Variants in ZMYM3 observed in about 807,000 individuals in gnomAD.
The protein encoded by ZMYM3 is zinc finger MYM-type protein 3.
Under a neutral mutation model 94.2 loss-of-function variants are expected in ZMYM3, and 6 were observed. The observed-to-expected ratio is 0.06, with a 90% CI of 0.03 to 0.13. ZMYM3 has a LOEUF of 0.13. Ranked by LOEUF, ZMYM3 falls within the 10% of genes least tolerant of loss-of-function variation. The pLI, the probability that ZMYM3 is intolerant of heterozygous loss-of-function variation, is 1.00. For synonymous variants in ZMYM3, 420 were observed against 426.5 expected (o/e 0.98, Z 0.19); for missense variants, 664 against 1,132.6 (o/e 0.59, Z 5.94).
At chrX:71,251,063 G>A in intron 4 of ZMYM3, 115 bp downstream of exon 4, 2 of 791,065 alleles carry the variant, frequency 2.5e-6, no homozygotes, top group Non-Finnish European at 3.8e-6. Context: ...GGCACTTCAT[G>A]CGCTTCATGG....
intron 3 of ZMYM3, 97 bp downstream of exon 3, chrX:71,251,461 C>T: frequency 9.3e-7 from 1 of 1,074,546 alleles, no homozygotes; most frequent in South Asian, 2.2e-5. Context: ...TCCTTACACA[C>T]ACTCTCTACA....
chrX:71,247,961 G>C, intron 11 of ZMYM3, 55 bp from the exon 12 acceptor site: 1 of 1,133,472 alleles, frequency 8.8e-7, no homozygotes, highest in Non-Finnish European at 1.2e-6. Flanking sequence ...CCAAGGGCAA[G>C]AGACCCAACC....
intron 8 of ZMYM3, 64 bp downstream of exon 8, chrX:71,248,955 A>T: frequency 5.0e-6 from 6 of 1,191,895 alleles, no homozygotes; most frequent in Non-Finnish European, 6.8e-6. Flanking sequence ...ACTCTGGAAG[A>T]GGGGAGTATG....
intron 20 of ZMYM3, 116 bp from the exon 21 acceptor site, chrX:71,244,096 T>C: frequency 9.8e-7 from 1 of 1,023,685 alleles, no homozygotes; most frequent in South Asian, 2.3e-5. Flanking sequence ...TCCTGAACAA[T>C]TACAGAAAGA....
chrX:71,245,305 C>T (rs775305071), intron 18 of ZMYM3, 34 bp downstream of exon 18: 4 of 1,202,332 alleles, frequency 3.3e-6, no homozygotes, highest in Non-Finnish European at 4.5e-6. Flanking sequence ...CAAATGCTAC[C>T]ATACTCAGTG....
chrX:71,252,614 G>A lies in ZMYM3; in HGVS notation c.642C>T (p.Ser214=), dbSNP rs750974711. Residue 214 remains serine (S), a synonymous_variant, in exon 2 of 25, where the codon AGC becomes AGT. Transcript: ENST00000314425. ...NSSQTKPGGS[S]PPAHPSLPGD... ...CTGGCAAGGAAGGATGTGCAGGGGGGCTAGAGCCCCCAGGTTTGGTCTGAG... is the reference window on the plus strand; with the variant it reads ...CTGGCAAGGAAGGATGTGCAGGGGGACTAGAGCCCCCAGGTTTGGTCTGAG... 7.9e-6 allele frequency: 9 copies of A among 1,137,571 alleles called. No individual in the cohort carries two copies. The highest frequency in any genetic ancestry group is 9.3e-6 in the Non-Finnish European group (8 of 861,671). The allele number at this position is 1,137,571 out of a possible 1,213,427, so 93.7% of individuals were successfully genotyped here.
rs1741700350 is a variant in ZMYM3 at position 71,245,660 on chromosome X, T to C, written c.2860+8A>G. 3.3e-6 allele frequency: 4 copies of C among 1,210,030 alleles called. No individual in the cohort carries two copies. Among genetic ancestry groups the C allele is most frequent in the South Asian group, 3.5e-5 (2 of 56,595 alleles). ...CTGTCTCCCTCGTCGCCACCATCTA[T>C]GGCATACCACAAAGGTCAGATGAGG... On this transcript the variant is annotated splice_region_variant and intron_variant, in intron 17 of 24. Transcript: ENST00000314425.
rs141217407 is a variant in ZMYM3, at chrX:71,248,274, C to T, written c.1863G>A (p.Glu621=). Residue 621 remains glutamate, a synonymous_variant, in exon 11 of 25, where the codon GAG becomes GAA. Transcript: ENST00000314425. ...VFQFCCRDCC[E]DFKRLRGVVS... ...CCACACCCCGAAGCCGCTTGAAGTC[C>T]TCACAGCAATCACGGCAGCAGAACT... 8.3e-7 allele frequency: 1 copy of T among 1,206,755 alleles called. No individual in the cohort carries two copies. The highest frequency in any genetic ancestry group is 1.1e-6 in the Non-Finnish European group (1 of 893,270).
intron 3 of ZMYM3, 30 bp downstream of exon 3, chrX:71,251,528 C>T (rs765162661): frequency 2.6e-5 from 30 of 1,174,923 alleles, no homozygotes; most frequent in Non-Finnish European, 3.4e-5. Context: ...TAAGGGGGAA[C>T]CAGACTCCTT....
chrX:71,250,427 C>T lies in ZMYM3; in HGVS notation c.1073+5G>A. The T allele has an allele frequency of 8.3e-7, 1 of 1,201,817 alleles. No homozygotes were observed. The highest frequency in any genetic ancestry group is 1.1e-6 in the Non-Finnish European group (1 of 890,091). On this transcript the variant is annotated splice_donor_5th_base_variant and intron_variant, in intron 5 of 24. Transcript: ENST00000314425. ...CTCTGCATAGCCCCCAAGACCCTCACGCACTTCTTGCAGAAGGTACAGGTC... is the reference window on the plus strand; with the variant it reads ...CTCTGCATAGCCCCCAAGACCCTCATGCACTTCTTGCAGAAGGTACAGGTC...
chrX:71,240,779 G>A lies in ZMYM3; in HGVS notation c.*137C>T. On this transcript the variant is annotated 3_prime_UTR_variant, in exon 25 of 25. Transcript: ENST00000314425. ...ATAAAAGCCAGGGTTCCTAGAGAAG[G>A]CAGGGAATGGGTGAGCGGAAAGGAG... The A allele has an allele frequency of 3.3e-6, 2 of 614,204 alleles. No individual in the cohort carries two copies. Among genetic ancestry groups the A allele is most frequent in the East Asian group, 6.8e-5 (2 of 29,288 alleles). The allele number at this position is 614,204 out of a possible 1,213,427, so 50.6% of individuals were successfully genotyped here. A position where few individuals can be genotyped will look rare whatever the true frequency, so the allele number is the denominator to read the frequency against.
In ZMYM3 at chrX:71,250,077, A is replaced by C. The variant is rs1370858528; in HGVS notation, c.1200T>G (p.Ser400=). The change falls in exon 6 of 25, where the codon TCT becomes TCG. Residue 400 remains serine, a synonymous_variant. Coordinates refer to ENST00000314425, the MANE Select transcript of ZMYM3 (RefSeq NM_201599.3). ...EAQQQRPIPQ[S]GDPADATRCS... ...AGCGAGTAGCGTCGGCGGGATCCCC[A>C]GACTGGGGGATCGGGCGCTGCTGCT... is the stretch of plus-strand genomic sequence containing the variant. 6 of 1,203,535 alleles carry C rather than the reference A, an allele frequency of 5.0e-6. 1 individual carries two copies. In the South Asian group the frequency reaches 9.0e-5, roughly 18 times the overall value.
In ZMYM3 at chrX:71,247,955, G is replaced by C. The variant is rs185281448; in HGVS notation, c.1976-49C>G. 3.0e-5 allele frequency: 34 copies of C among 1,137,408 alleles called. No homozygotes were observed. The Admixed American group carries it at 9.0e-4, about 30-fold the overall frequency. The allele number at this position is 1,137,408 out of a possible 1,213,427, so 93.7% of individuals were successfully genotyped here. ...AGAGTCCAGAGACACAGATACCCAA[G>C]GGCAAGAGACCCAACCTTTTCAAGG... On this transcript the variant is annotated intron_variant, in intron 11 of 24. Coordinates refer to ENST00000314425, the MANE Select transcript of ZMYM3 (RefSeq NM_201599.3).
Position 71,250,742 on chromosome X carries a change from G to A in ZMYM3, c.779-16C>T, listed in dbSNP as rs760652787. On this transcript the variant is annotated splice_polypyrimidine_tract_variant and intron_variant, in intron 4 of 24. Coordinates refer to ENST00000314425, the MANE Select transcript of ZMYM3 (RefSeq NM_201599.3). ...GACACTGGAACTGAGAAAGTGGGGGGATGGACATGAGAAAGGCCACCAAAC... is the reference window on the plus strand; with the variant it reads ...GACACTGGAACTGAGAAAGTGGGGGAATGGACATGAGAAAGGCCACCAAAC... 5.1e-6 allele frequency: 6 copies of A among 1,171,893 alleles called. No homozygotes were observed. The Admixed American group carries it at 1.2e-4, about 23-fold the overall frequency.
chrX:71,251,779 G>C (rs899637437), intron 2 of ZMYM3, 178 bp from the exon 3 acceptor site: 5 of 749,204 alleles, frequency 6.7e-6, no homozygotes, highest in East Asian at 1.5e-4. Flanking sequence ...TACTAAGGGT[G>C]GGGGGGTGCA....
Position 71,241,215 on chromosome X carries a change from C to T in ZMYM3, c.3920+12G>A. ...CCATGCTAACGCTTTTCCTGCCAACCCACCAACTCACCATTTTGAGAGATA... is the reference window on the plus strand; with the variant it reads ...CCATGCTAACGCTTTTCCTGCCAACTCACCAACTCACCATTTTGAGAGATA... On this transcript the variant is annotated intron_variant, in intron 24 of 24. Coordinates refer to ENST00000314425, the MANE Select transcript of ZMYM3 (RefSeq NM_201599.3). 1 of 1,194,953 alleles carries T rather than the reference C, an allele frequency of 8.4e-7. No homozygotes were observed.
chrX:71,251,111 G>T, intron 4 of ZMYM3, 67 bp downstream of exon 4: 1 of 1,089,764 alleles, frequency 9.2e-7, no homozygotes. Context: ...ATGCCCTGCC[G>T]CATGCCACTT....
intron 23 of ZMYM3, 76 bp from the exon 24 acceptor site, chrX:71,241,420 G>A: frequency 1.2e-6 from 1 of 819,624 alleles, no homozygotes; most frequent in Non-Finnish European, 1.7e-6. Context: ...ACAGTTCAGG[G>A]CACAGGGAGA....
chrX:71,250,872 T>C, intron 4 of ZMYM3, 146 bp from the exon 5 acceptor site: 1 of 603,247 alleles, frequency 1.7e-6, no homozygotes, highest in Non-Finnish European at 2.5e-6. Flanking sequence ...TCTTAAGACC[T>C]TGGTGTCTCT....
Sources: allele counts gnomAD v4.1 joint callset, GRCh38; gene constraint gnomAD v4.1.1; transcripts MANE v1.5; gene names NCBI Gene and HGNC (gene_info 2026-07-23, HGNC 2026-07-21).